SLC35F1: variants seen among roughly 807,000 people sequenced by gnomAD.
SLC35F1 encodes the protein solute carrier family 35 member F1.
In SLC35F1, 14 loss-of-function variants were observed where a neutral mutation model predicts 48.7. The ratio of observed to expected loss-of-function variants is 0.29; its 90% CI spans 0.19 to 0.45. SLC35F1 has a LOEUF of 0.45. Among genes scored for constraint, SLC35F1 ranks in the 20% least tolerant of loss-of-function variants. The pLI is 1.00. For missense variants in SLC35F1, 404 were observed against 500.0 expected, an observed-to-expected ratio of 0.81 and a Z score of 1.83; for synonymous variants, 190 against 202.2, an observed-to-expected ratio of 0.94 and a Z score of 0.51.
chr6:118,039,100 G>A (rs569107820), intron 1 of SLC35F1, among the ~76,000 whole-genome samples: 39 of 152,054 alleles, frequency 2.6e-4, no homozygotes, highest in African/African-American at 8.7e-4. Context: ...TCTTTATTTT[G>A]CCTTTATTAC....
chr6:117,938,683 G>A (rs543301157), intron 1 of SLC35F1, among the ~76,000 whole-genome samples: 105 of 152,354 alleles, frequency 6.9e-4, no homozygotes, highest in Middle Eastern at 3.4e-3. Context: ...TCTCAGTGGT[G>A]AAGGGCCCAG....
chr6:118,275,378 A>G lies in SLC35F1; in HGVS notation c.638-81A>G, dbSNP rs1195818617. On this transcript the variant is annotated intron_variant, in intron 4 of 7. Transcript: ENST00000360388. ...ATGTCAAAATAGAATAGGCAAGGGAAGCTCAATTTGCCGATGCCAGATTCT... is the reference window on the plus strand; with the variant it reads ...ATGTCAAAATAGAATAGGCAAGGGAGGCTCAATTTGCCGATGCCAGATTCT... 9 of 1,428,820 alleles carry G rather than the reference A, an allele frequency of 6.3e-6. No homozygotes were observed. In the Admixed American group the frequency reaches 2.0e-4, roughly 31 times the overall value. 88.5% of individuals were successfully genotyped at this position (1,428,820 alleles called of 1,614,324 possible).
At chr6:117,918,425 G>C (rs1381960739) in intron 1 of SLC35F1, among the ~76,000 whole-genome samples, 3 of 152,132 alleles carry the variant, frequency 2.0e-5, no homozygotes, top group Non-Finnish European at 4.4e-5. Flanking sequence ...GAGAATGGGG[G>C]TGTAAATGAA....
intron 7 of SLC35F1, among the ~76,000 whole-genome samples, chr6:118,288,170 T>C (rs1320572096): frequency 6.6e-6 from 1 of 152,212 alleles, no homozygotes; most frequent in Non-Finnish European, 1.5e-5. Flanking sequence ...AATATACTTG[T>C]AGATTCACGT....
chr6:118,313,564 A>C (rs1012181344), intron 7 of SLC35F1, among the ~76,000 whole-genome samples: 2 of 152,224 alleles, frequency 1.3e-5, no homozygotes. Flanking sequence ...GAATTGGATT[A>C]AGGTGAAATG....
At chr6:118,248,507 G>C (rs942394653) in intron 3 of SLC35F1, among the ~76,000 whole-genome samples, 1 of 152,160 alleles carries the variant, frequency 6.6e-6, no homozygotes, top group Non-Finnish European at 1.5e-5. Context: ...TGTAACATTA[G>C]AAGTGGAGTT....
chr6:117,940,807 C>T (rs552964133), intron 1 of SLC35F1, among the ~76,000 whole-genome samples: 1 of 152,162 alleles, frequency 6.6e-6, no homozygotes, highest in South Asian at 2.1e-4. Context: ...TGCCGCCACA[C>T]CCATATAATT....
At chr6:118,024,833 G>A (rs1019258925) in intron 1 of SLC35F1, among the ~76,000 whole-genome samples, 2 of 152,132 alleles carry the variant, frequency 1.3e-5, no homozygotes, top group African/African-American at 2.4e-5. Context: ...GCCTAGGGAT[G>A]TCTTTATCTA....
At chr6:117,991,939 T>TATATTTG (rs1776924564) in intron 1 of SLC35F1, among the ~76,000 whole-genome samples, 1 of 152,166 alleles carries the variant, frequency 6.6e-6, no homozygotes, top group Admixed American at 6.6e-5. Flanking sequence ...GCTCTATCTC[T>TATATTTG]ATATTAAGGA....
At chr6:118,055,194 G>A (rs907633091) in intron 1 of SLC35F1, among the ~76,000 whole-genome samples, 4 of 152,112 alleles carry the variant, frequency 2.6e-5, no homozygotes, top group African/African-American at 9.7e-5. Context: ...TTTATTTGTT[G>A]TTAGATTCTA....
intron 3 of SLC35F1, among the ~76,000 whole-genome samples, chr6:118,266,019 G>T (rs145220109): frequency 2.9e-4 from 44 of 152,332 alleles, no homozygotes; most frequent in Non-Finnish European, 5.7e-4. Context: ...GACCAGCAAT[G>T]AGGGCCTCGT....
intron 3 of SLC35F1, among the ~76,000 whole-genome samples, chr6:118,250,081 A>G (rs1775554450): frequency 6.6e-6 from 1 of 152,226 alleles, no homozygotes; most frequent in Non-Finnish European, 1.5e-5. Flanking sequence ...TTCATTCAAC[A>G]TCTACTATCT....
intron 1 of SLC35F1, among the ~76,000 whole-genome samples, chr6:118,032,732 T>TGTAA (rs1388500501): frequency 4.6e-5 from 7 of 152,238 alleles, no homozygotes; most frequent in African/African-American, 1.4e-4. Flanking sequence ...TTCCTTAGCC[T>TGTAA]GTAATTTGTC....
At chr6:118,169,943 AT>A (rs1243577445) in intron 2 of SLC35F1, among the ~76,000 whole-genome samples, 1 of 152,204 alleles carries the variant, frequency 6.6e-6, no homozygotes. Context: ...CTGCTTTCTA[AT>A]TAACCTGTCT....
At chr6:118,147,478 T>C (rs924707676) in intron 1 of SLC35F1, among the ~76,000 whole-genome samples, 11 of 151,848 alleles carry the variant, frequency 7.2e-5, no homozygotes, top group African/African-American at 2.7e-4. Context: ...TGGAGATAGG[T>C]GAGATCAAAA....
intron 1 of SLC35F1, among the ~76,000 whole-genome samples, chr6:118,085,801 A>G (rs916117910): frequency 2.0e-5 from 3 of 152,192 alleles, no homozygotes; most frequent in Non-Finnish European, 4.4e-5. Flanking sequence ...TGAGTTACAA[A>G]CTTGTGGAAA....
At chr6:117,950,035 C>T (rs979942301) in intron 1 of SLC35F1, among the ~76,000 whole-genome samples, 2 of 152,080 alleles carry the variant, frequency 1.3e-5, no homozygotes, top group Admixed American at 6.5e-5. Flanking sequence ...TTGCAGTCTC[C>T]GTTCACAGCC....
At chr6:118,048,372 G>A (rs1157271803) in intron 1 of SLC35F1, among the ~76,000 whole-genome samples, 2 of 151,962 alleles carry the variant, frequency 1.3e-5, no homozygotes, top group Admixed American at 6.6e-5. Flanking sequence ...GCCAGGCTTT[G>A]GTATCAGGAT....
intron 7 of SLC35F1, among the ~76,000 whole-genome samples, chr6:118,312,059 A>C (rs1776378405): frequency 6.6e-6 from 1 of 152,198 alleles, no homozygotes; most frequent in Non-Finnish European, 1.5e-5. Context: ...ATGTGTCCAG[A>C]ATTGCAGCTA....
Sources: allele counts gnomAD v4.1 joint callset (sites outside exome capture counted in the v4.1 genomes callset), GRCh38; gene constraint gnomAD v4.1.1; transcripts MANE v1.5; gene names NCBI Gene and HGNC (gene_info 2026-07-23, HGNC 2026-07-21).